RAP1GDS1: variants seen among roughly 807,000 people sequenced by gnomAD.
The protein encoded by RAP1GDS1 is Rap1 GTPase-GDP dissociation stimulator 1.
Under a neutral mutation model 71.1 loss-of-function variants are expected in RAP1GDS1, and 35 were observed. That is an observed-to-expected ratio of 0.49 (90% CI 0.38 to 0.65). The LOEUF is 0.65. Ranked by LOEUF, RAP1GDS1 falls within the 30% of genes least tolerant of loss-of-function variation. RAP1GDS1 has a pLI of 0.00. For synonymous variants in RAP1GDS1, 229 were observed against 243.1 expected, an observed-to-expected ratio of 0.94 and a Z score of 0.54; for missense variants, 663 against 706.1, an observed-to-expected ratio of 0.94 and a Z score of 0.69.
intron 12 of RAP1GDS1, among the ~76,000 whole-genome samples, chr4:98,427,478 C>G (rs990513818): frequency 6.6e-6 from 1 of 152,088 alleles, no homozygotes; most frequent in African/African-American, 2.4e-5. Flanking sequence ...AAAGACTCCT[C>G]CAAAAAGCTC....
At chr4:98,388,253 A>T (rs3756088) in intron 5 of RAP1GDS1, among the ~76,000 whole-genome samples, 2 of 152,050 alleles carry the variant, frequency 1.3e-5, no homozygotes, top group Admixed American at 1.3e-4. Context: ...TCAAATAAGC[A>T]TGATGAGATG....
At chr4:98,336,230 C>T (rs756127828) in intron 2 of RAP1GDS1, among the ~76,000 whole-genome samples, 14 of 152,220 alleles carry the variant, frequency 9.2e-5, no homozygotes, top group Non-Finnish European at 1.3e-4. Context: ...TAGTTATATA[C>T]TCTGCTTATA....
chr4:98,350,334 G>A (rs2110416406), intron 3 of RAP1GDS1, among the ~76,000 whole-genome samples: 1 of 152,318 alleles, frequency 6.6e-6, no homozygotes, highest in South Asian at 2.1e-4. Context: ...TCATCTTACT[G>A]TTGGGAACCA....
chr4:98,422,139 G>C (rs911458655), intron 12 of RAP1GDS1, among the ~76,000 whole-genome samples: 1 of 152,028 alleles, frequency 6.6e-6, no homozygotes, highest in African/African-American at 2.4e-5. Flanking sequence ...GGCGGAGCTT[G>C]CAGAGAGCCG....
At chr4:98,390,154 A>C (rs557850953) in intron 5 of RAP1GDS1, among the ~76,000 whole-genome samples, 25 of 152,294 alleles carry the variant, frequency 1.6e-4, no homozygotes, top group Non-Finnish European at 2.5e-4. Flanking sequence ...CTGGTAAGTA[A>C]CCTAAATAAT....
chr4:98,399,360 C>G (rs1180046151), intron 6 of RAP1GDS1, among the ~76,000 whole-genome samples: 2 of 152,156 alleles, frequency 1.3e-5, no homozygotes, highest in Non-Finnish European at 1.5e-5. Flanking sequence ...TCAAACATCT[C>G]AACAGCAGGG....
intron 2 of RAP1GDS1, among the ~76,000 whole-genome samples, chr4:98,327,466 T>A (rs1733311384): frequency 6.6e-6 from 1 of 152,232 alleles, no homozygotes. Context: ...AGCCTTTGTG[T>A]AAGGTTGTAG....
chr4:98,266,289 G>T (rs1722708076), intron 1 of RAP1GDS1, among the ~76,000 whole-genome samples: 2 of 152,046 alleles, frequency 1.3e-5, no homozygotes, highest in African/African-American at 4.8e-5. Context: ...TGTCTGTCAT[G>T]CAGAGTGAGT....
intron 2 of RAP1GDS1, among the ~76,000 whole-genome samples, chr4:98,325,947 T>C (rs1378849494): frequency 6.6e-6 from 1 of 152,038 alleles, no homozygotes; most frequent in African/African-American, 2.4e-5. Flanking sequence ...AGTGTAGTTG[T>C]AGTGCTAGAT....
At chr4:98,298,788 C>T (rs1263206700) in intron 2 of RAP1GDS1, among the ~76,000 whole-genome samples, 1 of 152,080 alleles carries the variant, frequency 6.6e-6, no homozygotes, top group African/African-American at 2.4e-5. Context: ...AAGGCTATAG[C>T]TGCCATAGAT....
At chr4:98,425,057 G>A (rs2110200933) in intron 12 of RAP1GDS1, among the ~76,000 whole-genome samples, 2 of 152,286 alleles carry the variant, frequency 1.3e-5, no homozygotes, top group African/African-American at 4.8e-5. Flanking sequence ...ACCCCTACAA[G>A]CTAGAAAGGA....
At chr4:98,399,612 G>T (rs1371466183) in intron 6 of RAP1GDS1, among the ~76,000 whole-genome samples, 1 of 152,018 alleles carries the variant, frequency 6.6e-6, no homozygotes, top group African/African-American at 2.4e-5. Context: ...TTTTTAAAAT[G>T]GGCAAATTAT....
intron 5 of RAP1GDS1, among the ~76,000 whole-genome samples, chr4:98,381,851 G>A (rs1340857179): frequency 6.6e-6 from 1 of 151,416 alleles, no homozygotes; most frequent in African/African-American, 2.4e-5. Flanking sequence ...AAAAAGTACT[G>A]AGAGTGGTCA....
intron 6 of RAP1GDS1, chr4:98,396,754 A>T (rs888963671): frequency 1.3e-5 from 2 of 152,196 alleles, no homozygotes; most frequent in Non-Finnish European, 2.9e-5. Context: ...TTTCAGAGTG[A>T]GCTTTCTTGC....
intron 2 of RAP1GDS1, among the ~76,000 whole-genome samples, chr4:98,307,167 T>C (rs1427251737): frequency 6.6e-6 from 1 of 151,946 alleles, no homozygotes; most frequent in East Asian, 1.9e-4. Context: ...ATACAATGTG[T>C]TGTTTAATCT....
intron 2 of RAP1GDS1, among the ~76,000 whole-genome samples, chr4:98,306,263 A>T (rs769236125): frequency 9.8e-5 from 15 of 152,294 alleles, no homozygotes; most frequent in Non-Finnish European, 1.3e-4. Flanking sequence ...CCTGTTATGG[A>T]GGCTGAGAAG....
intron 3 of RAP1GDS1, among the ~76,000 whole-genome samples, chr4:98,347,858 C>A (rs1446503921): frequency 6.6e-6 from 1 of 152,164 alleles, no homozygotes; most frequent in Admixed American, 6.6e-5. Flanking sequence ...TGAAAGATAG[C>A]AGGTGTGAAT....
intron 3 of RAP1GDS1, among the ~76,000 whole-genome samples, chr4:98,351,867 T>A (rs1364595556): frequency 6.6e-6 from 1 of 151,952 alleles, no homozygotes; most frequent in East Asian, 1.9e-4. Flanking sequence ...GCAGCAGATA[T>A]GAGTGAGCCA....
intron 4 of RAP1GDS1, among the ~76,000 whole-genome samples, chr4:98,373,066 T>C (rs1303156612): frequency 1.3e-5 from 2 of 152,256 alleles, no homozygotes; most frequent in East Asian, 3.8e-4. Flanking sequence ...TCATTTTCAG[T>C]GCACTACATT....
Sources: gnomAD v4.1 joint callset for allele counts (sites outside exome capture counted in the v4.1 genomes callset) on GRCh38, gnomAD v4.1.1 for gene constraint, MANE v1.5 for transcripts, NCBI Gene and HGNC (gene_info 2026-07-23, HGNC 2026-07-21) for gene names.